TMC1: variants seen among roughly 807,000 people sequenced by gnomAD.
TMC1 encodes the protein transmembrane channel like 1.
In TMC1, 84 loss-of-function variants were observed where a neutral mutation model predicts 105.8. That is an observed-to-expected ratio of 0.79 (90% CI 0.67 to 0.95). TMC1 has a LOEUF of 0.95. Ranked by LOEUF, TMC1 falls within the 40% of genes least tolerant of loss-of-function variation. TMC1 has a pLI of 0.00. For synonymous variants in TMC1, 315 were observed against 311.5 expected (o/e 1.01, Z -0.12); for missense variants, 817 against 914.1 (o/e 0.89, Z 1.37).
chr9:72,755,629 C>CT (rs1000382538), intron 12 of TMC1, among the ~76,000 whole-genome samples: 3 of 152,090 alleles, frequency 2.0e-5, no homozygotes, highest in African/African-American at 7.2e-5. Flanking sequence ...TCCACATATT[C>CT]TTTTTTTAAG....
At chr9:72,663,578 C>A (rs886125915) in intron 5 of TMC1, among the ~76,000 whole-genome samples, 3 of 152,182 alleles carry the variant, frequency 2.0e-5, no homozygotes, top group Non-Finnish European at 4.4e-5. Flanking sequence ...AGGTTAGAAA[C>A]AAGATGGAAT....
chr9:72,685,144 TC>T (rs1373920642), intron 5 of TMC1, among the ~76,000 whole-genome samples: 63 of 143,402 alleles, frequency 4.4e-4, no homozygotes, highest in African/African-American at 1.6e-3. Context: ...TCTTGCTCTT[TC>T]GCCCAGGCCA....
intron 5 of TMC1, among the ~76,000 whole-genome samples, chr9:72,686,779 A>G (rs1826386984): frequency 6.6e-6 from 1 of 152,152 alleles, no homozygotes; most frequent in African/African-American, 2.4e-5. Flanking sequence ...TGGAAAACCA[A>G]CTCAAGAGGA....
At chr9:72,579,167 G>A (rs1824435438) in intron 2 of TMC1, among the ~76,000 whole-genome samples, 1 of 152,130 alleles carries the variant, frequency 6.6e-6, no homozygotes, top group Non-Finnish European at 1.5e-5. Flanking sequence ...CTTTTTAAAG[G>A]TGCAAGTCAT....
intron 8 of TMC1, among the ~76,000 whole-genome samples, chr9:72,721,275 A>G (rs1297278553): frequency 6.6e-6 from 1 of 152,144 alleles, no homozygotes; most frequent in Non-Finnish European, 1.5e-5. Context: ...ATTCTCCTTT[A>G]CAACCTTTAC....
chr9:72,719,454 C>A (rs2117940705), intron 8 of TMC1, among the ~76,000 whole-genome samples: 1 of 152,262 alleles, frequency 6.6e-6, no homozygotes, highest in South Asian at 2.1e-4. Flanking sequence ...TGATCTGGAC[C>A]TTTAGGTTCC....
intron 10 of TMC1, among the ~76,000 whole-genome samples, chr9:72,751,401 T>C (rs756138351): frequency 6.6e-6 from 1 of 152,220 alleles, no homozygotes; most frequent in Non-Finnish European, 1.5e-5. Context: ...GAGAAGAACA[T>C]TGTTTGCCTG....
At chr9:72,554,577 A>C (rs1165714562) in intron 1 of TMC1, among the ~76,000 whole-genome samples, 1 of 152,174 alleles carries the variant, frequency 6.6e-6, no homozygotes, top group Non-Finnish European at 1.5e-5. Flanking sequence ...AGAGTAATAG[A>C]GTAACAGTGC....
At chr9:72,740,307 A>G (rs1423446552) in intron 9 of TMC1, 98 bp downstream of exon 9, 2 of 1,021,742 alleles carry the variant, frequency 2.0e-6, no homozygotes, top group Non-Finnish European at 3.0e-6. Context: ...CATTTTGTAT[A>G]TATAAAACAC....
chr9:72,794,002 G>T (rs921943705), intron 17 of TMC1, among the ~76,000 whole-genome samples: 66 of 152,136 alleles, frequency 4.3e-4, no homozygotes, highest in Middle Eastern at 3.4e-3. Flanking sequence ...GACCCTAAGC[G>T]CCTCATCCAT....
chr9:72,798,467 T>G (rs188240998), intron 17 of TMC1, among the ~76,000 whole-genome samples: 2 of 152,194 alleles, frequency 1.3e-5, no homozygotes, highest in East Asian at 3.9e-4. Context: ...TAAATGTCCA[T>G]CAATGACAGA....
At chr9:72,642,203 T>C (rs769042194) in intron 4 of TMC1, among the ~76,000 whole-genome samples, 1 of 152,202 alleles carries the variant, frequency 6.6e-6, no homozygotes, top group African/African-American at 2.4e-5. Context: ...CTCCTTAAGA[T>C]GCTCAGCTGT....
chr9:72,656,117 T>C (rs971610439), intron 5 of TMC1: 61 of 665,998 alleles, frequency 9.2e-5, no homozygotes, highest in Non-Finnish European at 1.5e-4. Flanking sequence ...ACATTGCAGC[T>C]TGTTAGAGTG....
chr9:72,835,915 G>GTTTTTTTTTTTTTTTTTTTTCTTTT, intron 23 of TMC1, 36 bp from the exon 24 acceptor site: 5 of 1,314,682 alleles, frequency 3.8e-6, no homozygotes, highest in South Asian at 2.7e-5. Context: ...CTCTCTCCTT[G>GTTTTTTTTTTTTTTTTTTTTCTTTT]TTTTTTTTTT....
At chr9:72,823,404 C>A (rs1002102816) in intron 20 of TMC1, among the ~76,000 whole-genome samples, 31 of 152,184 alleles carry the variant, frequency 2.0e-4, no homozygotes, top group African/African-American at 7.0e-4. Context: ...CTATCTAGAT[C>A]CTGGGCAAGC....
intron 2 of TMC1, among the ~76,000 whole-genome samples, chr9:72,589,868 A>G (rs1024416779): frequency 5.3e-5 from 8 of 152,228 alleles, no homozygotes; most frequent in African/African-American, 1.9e-4. Context: ...ACCTCAGGGC[A>G]TTACAACTTA....
intron 18 of TMC1, among the ~76,000 whole-genome samples, chr9:72,815,396 T>G (rs976479865): frequency 6.6e-6 from 1 of 152,216 alleles, no homozygotes; most frequent in Admixed American, 6.5e-5. Flanking sequence ...AAGCTTTTTT[T>G]ATATTTCTTT....
At position 72,789,259 on chromosome 9, in the gene TMC1, G is replaced by C; in HGVS notation, c.1166G>C (p.Arg389Pro). 1 of 1,614,030 alleles carries C rather than the reference G, an allele frequency of 6.2e-7. No homozygotes were observed. The highest frequency in any genetic ancestry group is 8.5e-7 in the Non-Finnish European group (1 of 1,179,940). ...SGYLIFWAVK[R>P]SQEFAQQDPD... The stretch of plus-strand genomic sequence containing the variant: ...TACCTCATCTTTTGGGCTGTGAAGC[G>C]ATCCCAGGAATTTGCACAGCAAGAT... The change falls in exon 15 of 24, where the codon CGA (arginine) becomes CCA (proline). Residue 389 changes from arginine (R) to proline (P), a missense_variant. Arg to Pro is a moderately radical substitution (Grantham distance 103, BLOSUM62 -2). Coordinates refer to ENST00000297784, the MANE Select transcript of TMC1 (RefSeq NM_138691.3).
intron 1 of TMC1, among the ~76,000 whole-genome samples, chr9:72,572,110 A>T (rs968606870): frequency 2.6e-5 from 4 of 152,042 alleles, no homozygotes; most frequent in Non-Finnish European, 4.4e-5. Flanking sequence ...TGCTGGGATT[A>T]CAGGTGTGAG....
Sources: allele counts gnomAD v4.1 joint callset (sites outside exome capture counted in the v4.1 genomes callset), GRCh38; gene constraint gnomAD v4.1.1; transcripts MANE v1.5; gene names NCBI Gene and HGNC (gene_info 2026-07-23, HGNC 2026-07-21).